GGNBP2: variants seen among roughly 807,000 people sequenced by gnomAD.
GGNBP2 encodes gametogenetin-binding protein 2.
GGNBP2 carries 10 observed loss-of-function variants against 85.9 expected under a neutral mutation model. The ratio of observed to expected loss-of-function variants is 0.12; its 90% CI spans 0.07 to 0.20. GGNBP2 has a LOEUF of 0.20. Among genes scored for constraint, GGNBP2 ranks in the 10% least tolerant of loss-of-function variants. The probability of loss-of-function intolerance (pLI) is 1.00; values close to 1 mark genes in which losing one functional copy is unlikely to be tolerated. For synonymous variants in GGNBP2, 287 were observed against 285.7 expected, an observed-to-expected ratio of 1.00 and a Z score of -0.05; for missense variants, 595 against 857.8, an observed-to-expected ratio of 0.69 and a Z score of 3.83.
At chr17:36,545,891 G>C in intron 2 of GGNBP2, 74 bp downstream of exon 2, 1 of 1,067,452 alleles carries the variant, frequency 9.4e-7, no homozygotes, top group Non-Finnish European at 1.4e-6. Context: ...CCCCCAGGCC[G>C]AGCGCTGCGC....
Position 36,588,600 on chromosome 17 carries a change from A to T in GGNBP2, c.1891-608A>T, listed in dbSNP as rs1033574348. Among the ~76,000 whole-genome samples, 98 of 128,860 alleles carry T rather than the reference A, an allele frequency of 7.6e-4. 1 individual carries two copies. The highest frequency in any genetic ancestry group is 1.2e-3 in the Non-Finnish European group (74 of 60,696). The allele number at this position is 128,860 out of a possible 152,430, so 84.5% of individuals were successfully genotyped here. A position where few individuals can be genotyped will look rare whatever the true frequency, so the allele number is the denominator to read the frequency against. ...GTTGTAAAGTTTAGTTTTAATATTT[A>T]TTTATTTTTTTTTTTTGAGGAGTCT... On this transcript the variant is annotated intron_variant, in intron 13 of 13. Transcript: ENST00000613102.
chr17:36,550,443 G>A (rs1834448167), intron 2 of GGNBP2, among the ~76,000 whole-genome samples: 1 of 151,958 alleles, frequency 6.6e-6, no homozygotes, highest in Admixed American at 6.6e-5. Context: ...TAGATGTTTT[G>A]TAATTGTTAA....
chr17:36,561,076 A>C (rs988008943), intron 5 of GGNBP2, among the ~76,000 whole-genome samples: 1 of 152,140 alleles, frequency 6.6e-6, no homozygotes, highest in Non-Finnish European at 1.5e-5. Context: ...CTGATTTAAA[A>C]AAATTTTTTT....
rs115443734 is a variant in GGNBP2, at chr17:36,579,718, A to G, written c.1020+299A>G. 2.5e-3 allele frequency among the ~76,000 whole-genome samples: 376 copies of G among 152,352 alleles called. 1 individual carries two copies. The highest frequency in any genetic ancestry group is 8.6e-3 in the African/African-American group (358 of 41,588). On this transcript the variant is annotated intron_variant, in intron 8 of 13. Transcript: ENST00000613102. Reference sequence around the variant, plus strand: ...GTTTAATAAGATGCTGCTATGAAACATAACTAGTGAGGCTGGGCATGGTGG... The same window carrying G: ...GTTTAATAAGATGCTGCTATGAAACGTAACTAGTGAGGCTGGGCATGGTGG...
intron 6 of GGNBP2, chr17:36,574,709 T>C: frequency 1.6e-6 from 1 of 633,352 alleles, no homozygotes; most frequent in Non-Finnish European, 2.8e-6. Context: ...AAGCAGCTTC[T>C]TGGGTACAGG....
intron 6 of GGNBP2, chr17:36,576,629 G>GTGTGTGTGTGTGTGTATA (rs1203227585): frequency 1.2e-4 from 13 of 111,072 alleles, no homozygotes; most frequent in African/African-American, 2.4e-4. Flanking sequence ...GTGTGTGTGT[G>GTGTGTGTGTGTGTGTATA]TATATGTATA....
In GGNBP2 at chr17:36,551,531, C is replaced by T. The variant is rs180879665; in HGVS notation, c.94-3289C>T. Among the ~76,000 whole-genome samples, 478 of 151,622 alleles carry T rather than the reference C, an allele frequency of 3.2e-3. 6 individuals are homozygous for T. The highest frequency in any genetic ancestry group is 0.011 in the African/African-American group (435 of 41,392). On this transcript the variant is annotated intron_variant, in intron 2 of 13. Coordinates refer to ENST00000613102, the MANE Select transcript of GGNBP2 (RefSeq NM_024835.5). ...GACTTCTTAGAAAGAATTCCTAAATCAGGTATTATCCATATAATTAAAATA... is the reference window on the plus strand; with the variant it reads ...GACTTCTTAGAAAGAATTCCTAAATTAGGTATTATCCATATAATTAAAATA...
intron 2 of GGNBP2, chr17:36,547,336 A>G (rs1387179648): frequency 2.6e-5 from 4 of 152,130 alleles, no homozygotes; most frequent in African/African-American, 9.7e-5. Context: ...TTTAAGGTTT[A>G]TTGTCCCACA....
chr17:36,555,241 GT>G (rs2074350585), intron 3 of GGNBP2, among the ~76,000 whole-genome samples: 1 of 152,178 alleles, frequency 6.6e-6, no homozygotes. Flanking sequence ...TTCAGACAAA[GT>G]AATCCTATAT....
At position 36,545,646 on chromosome 17, in the gene GGNBP2, C is replaced by A; in HGVS notation, c.-79C>A. On this transcript the variant is annotated 5_prime_UTR_variant, in exon 2 of 14. Transcript: ENST00000613102. ...AGGAGCTGGGAGGAGGCGGCAGCGG[C>A]GGCGGCAGAAACAGCAGCGGCGGCG... The A allele has an allele frequency of 1.8e-6, 2 of 1,121,492 alleles. No homozygotes were observed. The highest frequency in any genetic ancestry group is 2.7e-5 in the South Asian group (2 of 74,472). The allele number at this position is 1,121,492 out of a possible 1,614,324, so 69.5% of individuals were successfully genotyped here.
intron 5 of GGNBP2, among the ~76,000 whole-genome samples, chr17:36,561,511 G>A (rs112172496): frequency 7.9e-5 from 12 of 152,188 alleles, no homozygotes; most frequent in African/African-American, 2.6e-4. Flanking sequence ...TAGTCATAAT[G>A]TATAAATTAT....
rs1325842732 is a variant in GGNBP2, at chr17:36,576,591, ATATATGTGTGTGTGTG to A, written c.642-1390_642-1375del. On this transcript the variant is annotated intron_variant, in intron 6 of 13. Coordinates refer to ENST00000613102, the MANE Select transcript of GGNBP2 (RefSeq NM_024835.5). ...AAAAAAAAAAAAAAAAAAAATATATATATATGTGTGTGTGTGTGTGTGTGTGTGTGTGTGTGTGTAT... is the reference window on the plus strand; with the variant it reads ...AAAAAAAAAAAAAAAAAAAATATATATGTGTGTGTGTGTGTGTGTGTGTAT... 14 of 49,180 alleles carry A rather than the reference ATATATGTGTGTGTGTG, an allele frequency of 2.8e-4. 1 individual carries two copies. The South Asian group carries it at 0.01, about 36-fold the overall frequency. The allele number at this position is 49,180 out of a possible 1,614,324, so 3.0% of individuals were successfully genotyped here.
chr17:36,567,199 C>T lies in GGNBP2; in HGVS notation c.528-464C>T, dbSNP rs546973579. Among the ~76,000 whole-genome samples the T allele has an allele frequency of 3.3e-5, 5 of 152,058 alleles. No homozygotes were observed. The East Asian group carries it at 9.7e-4, about 29-fold the overall frequency. On this transcript the variant is annotated intron_variant, in intron 5 of 13. Coordinates refer to ENST00000613102, the MANE Select transcript of GGNBP2 (RefSeq NM_024835.5). ...ACTTAGTTTATTAACCAGTTGCTCT[C>T]TTGATAACTACAGATGTTGTTAAAT...
At chr17:36,573,437 T>C (rs1034530144) in intron 6 of GGNBP2, among the ~76,000 whole-genome samples, 3 of 152,196 alleles carry the variant, frequency 2.0e-5, no homozygotes, top group Non-Finnish European at 4.4e-5. Flanking sequence ...TTGATGGACA[T>C]TGAAGGTTGC....
chr17:36,579,565 G>A (rs887545442), intron 8 of GGNBP2, 146 bp downstream of exon 8: 2 of 659,844 alleles, frequency 3.0e-6, no homozygotes, highest in Non-Finnish European at 5.1e-6. Flanking sequence ...CATGGCTTTG[G>A]GTTGGAGTGG....
chr17:36,549,202 T>C (rs1380960203), intron 2 of GGNBP2, among the ~76,000 whole-genome samples: 1 of 150,526 alleles, frequency 6.6e-6, no homozygotes, highest in Non-Finnish European at 1.5e-5. Flanking sequence ...ATCTGAAGAA[T>C]TAAAGTTTTT....
Position 36,579,439 on chromosome 17 carries a change from C to G in GGNBP2, c.1020+20C>G, listed in dbSNP as rs924579352. Reference sequence around the variant, plus strand: ...TTTGAGGTAAGAACAGTGGGCTGTTCCAGTATCTCAGATTGCTTAGTCACG... The same window carrying G: ...TTTGAGGTAAGAACAGTGGGCTGTTGCAGTATCTCAGATTGCTTAGTCACG... On this transcript the variant is annotated intron_variant, in intron 8 of 13. Transcript: ENST00000613102. 7 of 1,609,468 alleles carry G rather than the reference C, an allele frequency of 4.3e-6. No individual in the cohort carries two copies. Among genetic ancestry groups the G allele is most frequent in the Non-Finnish European group, 5.1e-6 (6 of 1,176,156 alleles).
At chr17:36,545,309 G>A (rs2074238340) in intron 1 of GGNBP2, among the ~76,000 whole-genome samples, 1 of 151,672 alleles carries the variant, frequency 6.6e-6, no homozygotes, top group Non-Finnish European at 1.5e-5. Flanking sequence ...CAGGCCAGGG[G>A]TGGGGTCCTG....
At chr17:36,576,210 G>T (rs747473158) in intron 6 of GGNBP2, among the ~76,000 whole-genome samples, 1 of 118,190 alleles carries the variant, frequency 8.5e-6, no homozygotes, top group Admixed American at 9.1e-5. Flanking sequence ...GTGGTGGTGG[G>T]CGCATGCAAT....
Sources: allele counts gnomAD v4.1 joint callset (sites outside exome capture counted in the v4.1 genomes callset), GRCh38; gene constraint gnomAD v4.1.1; transcripts MANE v1.5; gene names NCBI Gene and HGNC (gene_info 2026-07-23, HGNC 2026-07-21).